MACROD2: variants seen among roughly 807,000 people sequenced by gnomAD.
MACROD2 encodes the protein mono-ADP ribosylhydrolase 2, also known as ADP-ribose glycohydrolase MACROD2.
MACROD2 carries 36 observed loss-of-function variants against 70.4 expected under a neutral mutation model. The observed-to-expected ratio is 0.51, with a 90% CI of 0.39 to 0.68. The LOEUF is 0.68. Ranked by LOEUF, MACROD2 falls within the 30% of genes least tolerant of loss-of-function variation. The pLI is 0.00. For synonymous variants in MACROD2, 172 were observed against 178.8 expected, an observed-to-expected ratio of 0.96 and a Z score of 0.30; for missense variants, 496 against 538.4, an observed-to-expected ratio of 0.92 and a Z score of 0.78.
At chr20:14,156,167 T>G (rs996679051) in intron 3 of MACROD2, among the ~76,000 whole-genome samples, 3 of 152,094 alleles carry the variant, frequency 2.0e-5, no homozygotes, top group African/African-American at 7.2e-5. Context: ...AAATAAAAAA[T>G]AAAAATAAAT....
intron 8 of MACROD2, among the ~76,000 whole-genome samples, chr20:15,690,589 G>T (rs967378881): frequency 6.6e-6 from 1 of 152,136 alleles, no homozygotes; most frequent in Admixed American, 6.5e-5. Flanking sequence ...TTAAAGCCAT[G>T]GGCTGAATAA....
intron 8 of MACROD2, among the ~76,000 whole-genome samples, chr20:15,545,482 A>T (rs370810292): frequency 7.6e-4 from 115 of 152,308 alleles, no homozygotes; most frequent in African/African-American, 2.7e-3. Flanking sequence ...GATACTGCAC[A>T]CTCAGTAATC....
chr20:14,996,400 C>T (rs2074949768), intron 5 of MACROD2, among the ~76,000 whole-genome samples: 2 of 152,062 alleles, frequency 1.3e-5, no homozygotes, highest in Admixed American at 1.3e-4. Context: ...TAAAGAAAAG[C>T]CCATTGAAGA....
chr20:14,775,924 G>C (rs2072227969), intron 5 of MACROD2, among the ~76,000 whole-genome samples: 1 of 152,006 alleles, frequency 6.6e-6, no homozygotes, highest in South Asian at 2.1e-4. Context: ...GCAAACAGAA[G>C]ATTGGGTTAC....
intron 5 of MACROD2, among the ~76,000 whole-genome samples, chr20:14,705,607 A>G (rs1568749335): frequency 6.6e-6 from 1 of 152,226 alleles, no homozygotes; most frequent in African/African-American, 2.4e-5. Flanking sequence ...TGGGAGTAAT[A>G]TAAAGACATA....
chr20:14,092,322 T>C (rs1221323848), intron 3 of MACROD2, among the ~76,000 whole-genome samples: 2 of 152,178 alleles, frequency 1.3e-5, no homozygotes, highest in African/African-American at 4.8e-5. Flanking sequence ...GAAATATCAG[T>C]TCATATCTTT....
chr20:15,433,852 A>G (rs1420641228), intron 7 of MACROD2, among the ~76,000 whole-genome samples: 1 of 152,138 alleles, frequency 6.6e-6, no homozygotes, highest in Non-Finnish European at 1.5e-5. Context: ...GCAGGCACAT[A>G]GACCAACAGA....
At chr20:14,295,633 A>G (rs540198330) in intron 3 of MACROD2, among the ~76,000 whole-genome samples, 8 of 151,874 alleles carry the variant, frequency 5.3e-5, no homozygotes, top group African/African-American at 1.5e-4. Context: ...TAACTTAACA[A>G]TGTATTTATT....
chr20:14,565,014 G>A (rs1452548155), intron 4 of MACROD2, among the ~76,000 whole-genome samples: 2 of 151,896 alleles, frequency 1.3e-5, no homozygotes, highest in African/African-American at 4.8e-5. Context: ...AAAAAAGAAT[G>A]AAATCATGTC....
intron 15 of MACROD2, among the ~76,000 whole-genome samples, chr20:16,022,522 C>G (rs1292779829): frequency 6.6e-6 from 1 of 152,272 alleles, no homozygotes; most frequent in Non-Finnish European, 1.5e-5. Context: ...ACAAGAATCA[C>G]TAGGGCAGCT....
At chr20:14,062,710 A>G (rs1349962622) in intron 2 of MACROD2, among the ~76,000 whole-genome samples, 1 of 152,176 alleles carries the variant, frequency 6.6e-6, no homozygotes, top group Admixed American at 6.5e-5. Context: ...AGATATTTCA[A>G]AAGTAGAATT....
At chr20:14,928,993 G>A (rs2074266281) in intron 5 of MACROD2, among the ~76,000 whole-genome samples, 1 of 152,140 alleles carries the variant, frequency 6.6e-6, no homozygotes, top group Admixed American at 6.5e-5. Context: ...GCCCTCTTAA[G>A]GGAAAAGCAA....
At chr20:14,311,061 T>C (rs1450733871) in intron 3 of MACROD2, among the ~76,000 whole-genome samples, 1 of 152,182 alleles carries the variant, frequency 6.6e-6, no homozygotes, top group Non-Finnish European at 1.5e-5. Flanking sequence ...GAAAAATATT[T>C]TTAAAATACG....
intron 8 of MACROD2, among the ~76,000 whole-genome samples, chr20:15,745,482 G>A (rs890287104): frequency 3.9e-5 from 6 of 151,992 alleles, no homozygotes; most frequent in Admixed American, 3.3e-4. Flanking sequence ...AAATTGTGAG[G>A]CAAGAATTCT....
intron 7 of MACROD2, among the ~76,000 whole-genome samples, chr20:15,438,312 TC>T (rs1299005750): frequency 6.6e-6 from 1 of 152,188 alleles, no homozygotes; most frequent in Non-Finnish European, 1.5e-5. Context: ...GTGTAAGTGT[TC>T]CCTTTTCTCT....
chr20:14,937,169 C>A (rs1447426957), intron 5 of MACROD2, among the ~76,000 whole-genome samples: 1 of 151,840 alleles, frequency 6.6e-6, no homozygotes, highest in African/African-American at 2.4e-5. Flanking sequence ...AGGAGTAGGA[C>A]TCTGACATGG....
chr20:14,061,180 T>G (rs2053686858), intron 2 of MACROD2, among the ~76,000 whole-genome samples: 1 of 152,168 alleles, frequency 6.6e-6, no homozygotes, highest in African/African-American at 2.4e-5. Flanking sequence ...TATTTTTGCA[T>G]GTAGGTACAC....
At chr20:15,952,456 C>A (rs1175726835) in intron 12 of MACROD2, among the ~76,000 whole-genome samples, 1 of 151,974 alleles carries the variant, frequency 6.6e-6, no homozygotes, top group African/African-American at 2.4e-5. Flanking sequence ...TTCTTGCTTC[C>A]TGCAGCTTTC....
intron 2 of MACROD2, among the ~76,000 whole-genome samples, chr20:14,008,268 G>T (rs1228905325): frequency 2.0e-5 from 3 of 152,192 alleles, no homozygotes; most frequent in Non-Finnish European, 2.9e-5. Flanking sequence ...AGCAACTTCA[G>T]CAAAGTCTCA....
Sources: allele counts gnomAD v4.1 joint callset (sites outside exome capture counted in the v4.1 genomes callset), GRCh38; gene constraint gnomAD v4.1.1; transcripts MANE v1.5; gene names NCBI Gene and HGNC (gene_info 2026-07-23, HGNC 2026-07-21).